CENPF: variants seen among roughly 807,000 people sequenced by gnomAD.
CENPF encodes the protein centromere protein F.
In CENPF, 214 loss-of-function variants were observed where a neutral mutation model predicts 307.3. The observed-to-expected ratio is 0.70, with a 90% CI of 0.62 to 0.78. The LOEUF is 0.78. Ranked by LOEUF, CENPF falls within the 30% of genes least tolerant of loss-of-function variation. CENPF has a pLI of 0.00. For missense variants in CENPF, 3,401 were observed against 3,483.9 expected (o/e 0.98, Z 0.60); for synonymous variants, 1,259 against 1,270.6 (o/e 0.99, Z 0.19).
At chr1:214,636,593 C>T (rs993544398) in intron 10 of CENPF, among the ~76,000 whole-genome samples, 1 of 152,196 alleles carries the variant, frequency 6.6e-6, no homozygotes, top group Non-Finnish European at 1.5e-5. Context: ...GATTCTCCCT[C>T]TTCTTGAATT....
Position 214,632,550 on chromosome 1 carries a change from A to G in CENPF, c.1394A>G (p.Gln465Arg). Reference protein sequence around the residue: ...EFKQKLCRAEQAFQASQIKEN... With the variant: ...EFKQKLCRAERAFQASQIKEN... ...AAGCAAAAGTTGTGCAGAGCTGAAC[A>G]GGCGTTCCAGGCGAGTCAGATCAAG... Residue 465 changes from glutamine (Q) to arginine (R), a missense_variant, in exon 10 of 20, where the codon CAG becomes CGG. Gln to Arg is a conservative substitution (Grantham distance 43, BLOSUM62 1). Transcript: ENST00000366955. 1 of 1,614,190 alleles carries G rather than the reference A, an allele frequency of 6.2e-7. No individual in the cohort carries two copies. The highest frequency in any genetic ancestry group is 2.2e-5 in the East Asian group (1 of 44,872).
At chr1:214,636,326 C>A (rs980649239) in intron 10 of CENPF, among the ~76,000 whole-genome samples, 2 of 152,110 alleles carry the variant, frequency 1.3e-5, no homozygotes, top group Admixed American at 6.5e-5. Context: ...CCTTAATGAT[C>A]GTGCTTTGCA....
intron 1 of CENPF, among the ~76,000 whole-genome samples, chr1:214,611,785 G>C (rs1488657566): frequency 6.6e-6 from 1 of 152,344 alleles, no homozygotes; most frequent in Non-Finnish European, 1.5e-5. Flanking sequence ...TGGCTTGGCT[G>C]TTGTCAGTGT....
rs146841693 is a variant in CENPF, at chr1:214,662,883, G to A, written c.9142-708G>A. Among the ~76,000 whole-genome samples the A allele has an allele frequency of 9.2e-5, 14 of 151,942 alleles. No homozygotes were observed. In the East Asian group the frequency reaches 2.7e-3, roughly 29 times the overall value. ...CAGCTTCAAACTCCTGGGCTCAAGC[G>A]ATCCTCTTGCCTCAGCCTCCTGAGT... On this transcript the variant is annotated intron_variant, in intron 19 of 19. Coordinates refer to ENST00000366955, the MANE Select transcript of CENPF (RefSeq NM_016343.4).
intron 13 of CENPF, 46 bp downstream of exon 13, chr1:214,647,446 A>G: frequency 6.6e-7 from 1 of 1,524,368 alleles, no homozygotes; most frequent in South Asian, 1.3e-5. Flanking sequence ...GTCATGAGGC[A>G]GGAAACCATA....
At chr1:214,658,721 C>G in intron 18 of CENPF, 129 bp from the exon 19 acceptor site, 1 of 811,486 alleles carries the variant, frequency 1.2e-6, no homozygotes, top group Non-Finnish European at 1.9e-6. Context: ...AATCCATTGA[C>G]CACAGTGGCT....
chr1:214,631,493 G>A (rs989382355), intron 9 of CENPF, among the ~76,000 whole-genome samples: 8 of 152,076 alleles, frequency 5.3e-5, no homozygotes, highest in African/African-American at 1.4e-4. Flanking sequence ...TTGTTTGTTT[G>A]TTTGTTTGTT....
chr1:214,605,988 C>T (rs112373976), intron 1 of CENPF: 45,218 of 1,597,042 alleles, frequency 0.028, 2,716 homozygotes, highest in African/African-American at 0.25. Flanking sequence ...AGCACCACCG[C>T]GGCACACTCG....
chr1:214,637,127 T>A (rs1657984372), intron 10 of CENPF, among the ~76,000 whole-genome samples: 1 of 152,200 alleles, frequency 6.6e-6, no homozygotes, highest in Non-Finnish European at 1.5e-5. Context: ...AAAGAACCTG[T>A]TTTCACTGTG....
At chr1:214,652,637 G>A (rs1474907815) in intron 15 of CENPF, among the ~76,000 whole-genome samples, 191 bp from the exon 16 acceptor site, 2 of 149,860 alleles carry the variant, frequency 1.3e-5, no homozygotes, top group African/African-American at 4.9e-5. Context: ...AGAGACAGGG[G>A]TTTCACCATG....
At chr1:214,653,054 G>A (rs1658532880) in intron 16 of CENPF, 65 bp downstream of exon 16, 7 of 1,376,328 alleles carry the variant, frequency 5.1e-6, no homozygotes, top group South Asian at 4.7e-5. Flanking sequence ...GATTTTAATG[G>A]TATAGCATTA....
intron 18 of CENPF, 145 bp from the exon 19 acceptor site, chr1:214,658,705 A>C (rs973507686): frequency 1.4e-4 from 92 of 643,718 alleles, no homozygotes; most frequent in Middle Eastern, 5.3e-4. Context: ...GGCAACTGTG[A>C]AGTGTAATCC....
chr1:214,661,186 G>A (rs1263286157), intron 19 of CENPF, among the ~76,000 whole-genome samples: 2 of 152,200 alleles, frequency 1.3e-5, no homozygotes, highest in East Asian at 3.8e-4. Flanking sequence ...GCTACATGCT[G>A]TTCAGTAGGC....
rs144902806 is a variant in CENPF at position 214,652,932 on chromosome 1, G to A, written c.8265G>A (p.Glu2755=). Residue 2755 remains glutamate (E), a synonymous_variant, in exon 16 of 20, where the codon GAG becomes GAA. Coordinates refer to ENST00000366955, the MANE Select transcript of CENPF (RefSeq NM_016343.4). The part of the protein sequence containing the change: ...EIDLLKSSKE[E]LNNSLKATTQ... ...ACCTTTTAAAGTCTAGTAAAGAAGA[G>A]CTCAATAATTCATTGAAAGCTACTA... 1.9e-6 allele frequency: 3 copies of A among 1,607,982 alleles called. No individual in the cohort carries two copies. Among genetic ancestry groups the A allele is most frequent in the African/African-American group, 1.3e-5 (1 of 74,446 alleles).
intron 10 of CENPF, among the ~76,000 whole-genome samples, chr1:214,634,705 C>A (rs550686348): frequency 6.6e-6 from 1 of 152,306 alleles, no homozygotes; most frequent in Non-Finnish European, 1.5e-5. Flanking sequence ...TTGCTGTCAC[C>A]TACAGGCACA....
chr1:214,644,924 GATTACTTC>G lies in CENPF; in HGVS notation c.5357_5364del (p.Leu1786CysfsTer6). On this transcript the variant is annotated frameshift_variant, in exon 13 of 20. Transcript: ENST00000366955. LOFTEE classifies it high-confidence loss of function. ...AAAGAGACATCAAATGAGAATTTGA[GATTACTTC>G]ATGTGATAGAGGACCGTGACAGAAA... The G allele has an allele frequency of 6.2e-7, 1 of 1,613,828 alleles. No individual in the cohort carries two copies. The highest frequency in any genetic ancestry group is 8.5e-7 in the Non-Finnish European group (1 of 1,179,910).
rs192560164 is a variant in CENPF, at chr1:214,617,471, G to A, written c.360-1102G>A. On this transcript the variant is annotated intron_variant, in intron 3 of 19. Transcript: ENST00000366955. ...TTAAACTGAAGTCAGAGACATAAGA[G>A]AGTTGGAAGAATTGAGCCCTCTTTT... Among the ~76,000 whole-genome samples, 528 of 152,298 alleles carry A rather than the reference G, an allele frequency of 3.5e-3. 1 individual carries two copies. Among genetic ancestry groups the A allele is most frequent in the Middle Eastern group, 0.01 (3 of 294 alleles).
chr1:214,647,470 A>C, intron 13 of CENPF, 70 bp downstream of exon 13: 1 of 1,467,218 alleles, frequency 6.8e-7, no homozygotes. Context: ...TCTTCTAGAC[A>C]CTGTGAATTG....
chr1:214,658,815 C>T, intron 18 of CENPF, 35 bp from the exon 19 acceptor site: 1 of 1,601,410 alleles, frequency 6.2e-7, no homozygotes, highest in Non-Finnish European at 8.6e-7. Context: ...AGAATTGGAC[C>T]TAGCAGTGCT....
Sources: allele counts gnomAD v4.1 joint callset (sites outside exome capture counted in the v4.1 genomes callset), GRCh38; gene constraint gnomAD v4.1.1; transcripts MANE v1.5; gene names NCBI Gene and HGNC (gene_info 2026-07-23, HGNC 2026-07-21).